MDN1: variants seen among roughly 807,000 people sequenced by gnomAD.
The protein encoded by MDN1 is midasin.
A neutral mutation model predicts 669.2 loss-of-function variants in MDN1; 266 were observed. The ratio of observed to expected loss-of-function variants is 0.40; its 90% CI spans 0.36 to 0.44. The LOEUF (loss-of-function observed/expected upper bound fraction) is 0.44, where lower values mean the gene tolerates loss of function less well. Among genes scored for constraint, MDN1 ranks in the 20% least tolerant of loss-of-function variants. MDN1 has a pLI of 1.00. For missense variants in MDN1, 5,940 were observed against 6,754.0 expected (o/e 0.88, Z 4.22); for synonymous variants, 2,385 against 2,457.1 (o/e 0.97, Z 0.87).
intron 45 of MDN1, among the ~76,000 whole-genome samples, chr6:89,715,355 C>T (rs1312908998): frequency 6.6e-6 from 1 of 152,190 alleles, no homozygotes; most frequent in Non-Finnish European, 1.5e-5. Flanking sequence ...ATCTAAGCCA[C>T]TGTGATGTGT....
In MDN1 at chr6:89,654,716, C is replaced by CT. The variant is rs1190550839; in HGVS notation, c.15491-383dup. On this transcript the variant is annotated intron_variant, in intron 92 of 101. Transcript: ENST00000369393. ...TAATTTATTATATATTTTCAAATGA[C>CT]TAGAAGAGCAGATTTGAATGTTCCC... Among the ~76,000 whole-genome samples the CT allele has an allele frequency of 4.6e-5, 7 of 152,150 alleles. No individual in the cohort carries two copies. The South Asian group carries it at 1.2e-3, about 27-fold the overall frequency.
chr6:89,656,116 C>T (rs778692593), intron 91 of MDN1, 148 bp from the exon 92 acceptor site: 48 of 662,900 alleles, frequency 7.2e-5, no homozygotes, highest in Admixed American at 1.8e-4. Context: ...TAAAAAGAAC[C>T]GGGACTCTAT....
At chr6:89,702,777 T>G (rs552029982) in intron 53 of MDN1, among the ~76,000 whole-genome samples, 4 of 152,342 alleles carry the variant, frequency 2.6e-5, no homozygotes, top group Non-Finnish European at 4.4e-5. Context: ...TTATCAATTT[T>G]TTTTCATTTA....
intron 2 of MDN1, among the ~76,000 whole-genome samples, chr6:89,798,708 T>C (rs1011593532): frequency 6.6e-6 from 1 of 152,222 alleles, no homozygotes; most frequent in African/African-American, 2.4e-5. Context: ...CACTGAACTG[T>C]ACACTTTTAT....
chr6:89,688,588 G>A lies in MDN1; in HGVS notation c.11244C>T (p.His3748=). ...VSHLLQDWPE[H]PALEQLLVVM... is the part of the protein sequence containing the mutation. ...GCTGCCCTACCTGTTCAAGCGCTGGGTGTTCTGGCCAGTCCTGTAGCAAGT... is the reference window on the plus strand; with the variant it reads ...GCTGCCCTACCTGTTCAAGCGCTGGATGTTCTGGCCAGTCCTGTAGCAAGT... The change falls in exon 66 of 102, where the codon CAC becomes CAT. Residue 3748 remains histidine, a synonymous_variant. Transcript: ENST00000369393. The A allele has an allele frequency of 6.2e-7, 1 of 1,613,920 alleles. No homozygotes were observed. The highest frequency in any genetic ancestry group is 8.5e-7 in the Non-Finnish European group (1 of 1,179,864).
In MDN1 at chr6:89,819,758, A is replaced by AC. The variant is rs890330728; in HGVS notation, c.-152dup. The AC allele has an allele frequency of 1.5e-4, 94 of 642,616 alleles. No individual in the cohort carries two copies. Among genetic ancestry groups the AC allele is most frequent in the Admixed American group, 7.6e-4 (30 of 39,518 alleles). The allele number at this position is 642,616 out of a possible 1,614,324, so 39.8% of individuals were successfully genotyped here. On this transcript the variant is annotated 5_prime_UTR_variant, in exon 1 of 102. The change abolishes the stop of an existing upstream ORF in the 5' untranslated region. Coordinates refer to ENST00000369393, the MANE Select transcript of MDN1 (RefSeq NM_014611.3). ...CCAGCGCCTACACCGGGAGAGGGGC[A>AC]CCACACGTGGGTGAGCACACGGCGT...
At chr6:89,792,140 T>C (rs1229841184) in intron 5 of MDN1, among the ~76,000 whole-genome samples, 2 of 152,084 alleles carry the variant, frequency 1.3e-5, no homozygotes, top group African/African-American at 4.8e-5. Flanking sequence ...AGTGCTGGGA[T>C]TACAAGCGTG....
In MDN1 at chr6:89,676,112, G is replaced by A; in HGVS notation, c.12635C>T (p.Thr4212Ile). The A allele has an allele frequency of 6.2e-7, 1 of 1,614,098 alleles. No individual in the cohort carries two copies. Among genetic ancestry groups the A allele is most frequent in the African/African-American group, 1.3e-5 (1 of 75,060 alleles). ...RHARLNAALA[T>I]PAKEMGMGNV... ...GTTCTATCATTCTACCTTGGCAGGA[G>A]TTGCTAGTGCTGCGTTAAGCCTGGC... The change falls in exon 77 of 102, where the codon ACT (threonine) becomes ATT (isoleucine). Residue 4212 changes from threonine to isoleucine, a missense_variant. This residue lies in a region of MDN1 where 2,280 missense variants were observed against 2,576.3 expected (regional missense o/e 0.88). Coordinates refer to ENST00000369393, the MANE Select transcript of MDN1 (RefSeq NM_014611.3).
At position 89,690,481 on chromosome 6, in the gene MDN1, C is replaced by T. The variant is rs116366570; in HGVS notation, c.10749+192G>A. On this transcript the variant is annotated intron_variant, in intron 64 of 101. Coordinates refer to ENST00000369393, the MANE Select transcript of MDN1 (RefSeq NM_014611.3). ...AGCTACTTGGGAGGATTGTTTGAGC[C>T]CAGGAGTTTGAGGCTGCAGTGAGCT... Among the ~76,000 whole-genome samples the T allele has an allele frequency of 7.7e-3, 1,171 of 151,990 alleles. 18 individuals are homozygous for T. Among genetic ancestry groups the T allele is most frequent in the African/African-American group, 0.027 (1,125 of 41,438 alleles).
At chr6:89,729,657 G>A (rs1373023490) in intron 35 of MDN1, among the ~76,000 whole-genome samples, 1 of 145,190 alleles carries the variant, frequency 6.9e-6, no homozygotes, top group Non-Finnish European at 1.5e-5. Flanking sequence ...TCTCTTGGAA[G>A]AAGTTTTTGT....
intron 83 of MDN1, 144 bp downstream of exon 83, chr6:89,670,775 A>T (rs1810697439): frequency 1.1e-6 from 1 of 937,506 alleles, no homozygotes. Flanking sequence ...TGCCAGACAA[A>T]GCCCTAAATA....
chr6:89,646,700 C>A, intron 99 of MDN1, 97 bp from the exon 100 acceptor site: 1 of 1,040,730 alleles, frequency 9.6e-7, no homozygotes, highest in Non-Finnish European at 1.5e-6. Flanking sequence ...AAGTGATTAT[C>A]AGATAACCAC....
At chr6:89,664,878 C>T (rs1415787194) in intron 84 of MDN1, among the ~76,000 whole-genome samples, 2 of 152,054 alleles carry the variant, frequency 1.3e-5, no homozygotes, top group Admixed American at 1.3e-4. Context: ...GAGACATTTG[C>T]AAGAATATAT....
chr6:89,708,390 G>T, intron 51 of MDN1, 106 bp downstream of exon 51: 1 of 1,378,440 alleles, frequency 7.3e-7, no homozygotes, highest in Non-Finnish European at 9.9e-7. Context: ...AACTTCTCAG[G>T]TTCACAAAAT....
chr6:89,648,438 C>A, intron 97 of MDN1, 109 bp from the exon 98 acceptor site: 1 of 999,568 alleles, frequency 1.0e-6, no homozygotes, highest in Non-Finnish European at 1.5e-6. Flanking sequence ...TTTTGTTTGG[C>A]AAGTAGAGGA....
chr6:89,683,524 C>G (rs1005573058), intron 72 of MDN1, among the ~76,000 whole-genome samples, 194 bp from the exon 73 acceptor site: 1 of 151,798 alleles, frequency 6.6e-6, no homozygotes, highest in Admixed American at 6.6e-5. Context: ...TCCTCCTTTT[C>G]TAGAAGAGAA....
chr6:89,800,937 G>T (rs904241338), intron 2 of MDN1, among the ~76,000 whole-genome samples: 2 of 152,210 alleles, frequency 1.3e-5, no homozygotes, highest in Non-Finnish European at 2.9e-5. Context: ...CACACATCTG[G>T]TGTTAGAAGT....
intron 61 of MDN1, among the ~76,000 whole-genome samples, chr6:89,694,667 G>A (rs1439979510): frequency 6.6e-5 from 10 of 151,686 alleles, no homozygotes; most frequent in African/African-American, 1.9e-4. Flanking sequence ...CTTCAGCCTC[G>A]TGAGTAGCTG....
chr6:89,681,080 TTG>T (rs1811585723), intron 73 of MDN1, among the ~76,000 whole-genome samples: 1 of 152,190 alleles, frequency 6.6e-6, no homozygotes. Context: ...CTGAGCCACA[TTG>T]TGTTTCTCAG....
Sources: gnomAD v4.1 joint callset for allele counts (sites outside exome capture counted in the v4.1 genomes callset) on GRCh38, gnomAD v4.1.1 for gene constraint, gnomAD v4.1.1 regional missense constraint, MANE v1.5 for transcripts, NCBI Gene and HGNC (gene_info 2026-07-23, HGNC 2026-07-21) for gene names.